RYK: variants seen among roughly 807,000 people sequenced by gnomAD.
The protein encoded by RYK is inactive tyrosine-protein kinase RYK.
In RYK, 21 loss-of-function variants were observed where a neutral mutation model predicts 70.2. The ratio of observed to expected loss-of-function variants is 0.30; its 90% CI spans 0.21 to 0.43. The LOEUF (loss-of-function observed/expected upper bound fraction) is 0.43. RYK is among the 20% of genes least tolerant of loss of function. The pLI is 1.00. For synonymous variants in RYK, 267 were observed against 278.0 expected (o/e 0.96, Z 0.39); for missense variants, 604 against 753.3 (o/e 0.80, Z 2.32).
At chr3:134,209,534 ACC>A (rs2014325437) in intron 4 of RYK, among the ~76,000 whole-genome samples, 159 bp downstream of exon 4, 2 of 152,158 alleles carry the variant, frequency 1.3e-5, no homozygotes, top group Non-Finnish European at 2.9e-5. Context: ...TTGGCTACCA[ACC>A]ATCTGGGATT....
chr3:134,170,068 C>T (rs1052723395), intron 13 of RYK, among the ~76,000 whole-genome samples: 2 of 152,158 alleles, frequency 1.3e-5, no homozygotes, highest in Non-Finnish European at 2.9e-5. Context: ...CGAACAGTCA[C>T]ATCATAGTCA....
At chr3:134,179,743 G>A (rs958886511) in intron 10 of RYK, 1 of 152,122 alleles carries the variant, frequency 6.6e-6, no homozygotes, top group African/African-American at 2.4e-5. Flanking sequence ...GGATTAACTT[G>A]GGCATACCAT....
chr3:134,229,263 T>C (rs1164262831), intron 1 of RYK, among the ~76,000 whole-genome samples: 1 of 150,660 alleles, frequency 6.6e-6, no homozygotes, highest in Non-Finnish European at 1.5e-5. Context: ...TTTTTCTTCT[T>C]CCCCCTCCGC....
intron 13 of RYK, among the ~76,000 whole-genome samples, chr3:134,163,870 T>G (rs1278084772): frequency 6.6e-6 from 1 of 152,208 alleles, no homozygotes. Context: ...AAAGTGCAAT[T>G]AAATGAACCT....
chr3:134,182,231 C>T (rs2013320340), intron 10 of RYK, among the ~76,000 whole-genome samples: 1 of 151,760 alleles, frequency 6.6e-6, no homozygotes, highest in South Asian at 2.1e-4. Flanking sequence ...TGATTGTATA[C>T]CAGAAATTAG....
chr3:134,218,004 C>A (rs546311279), intron 2 of RYK, among the ~76,000 whole-genome samples: 2 of 152,110 alleles, frequency 1.3e-5, no homozygotes, highest in East Asian at 1.9e-4. Context: ...ACTAAAAAAA[C>A]ATCGTAAGAC....
chr3:134,159,198 T>C, intron 14 of RYK, 39 bp downstream of exon 14: 4 of 1,606,358 alleles, frequency 2.5e-6, no homozygotes, highest in Admixed American at 1.7e-5. Flanking sequence ...ATATAGTAAA[T>C]GGAATAAAAC....
At chr3:134,194,904 A>G (rs2013765542) in intron 7 of RYK, among the ~76,000 whole-genome samples, 178 bp downstream of exon 7, 1 of 152,218 alleles carries the variant, frequency 6.6e-6, no homozygotes, top group Non-Finnish European at 1.5e-5. Flanking sequence ...TGATACCTCA[A>G]TTTTAGAATG....
At chr3:134,246,319 CACA>C (rs2015464624) in intron 1 of RYK, among the ~76,000 whole-genome samples, 1 of 145,262 alleles carries the variant, frequency 6.9e-6, no homozygotes, top group African/African-American at 2.6e-5. Flanking sequence ...CACACACACA[CACA>C]CACACACACA....
Position 134,245,087 on chromosome 3 carries a change from C to T in RYK, c.232+5336G>A, listed in dbSNP as rs1304345341. Among the ~76,000 whole-genome samples the T allele has an allele frequency of 3.9e-5, 6 of 152,172 alleles. No homozygotes were observed. The East Asian group carries it at 1.2e-3, about 29-fold the overall frequency. On this transcript the variant is annotated intron_variant, in intron 1 of 14. Transcript: ENST00000623711. ...TTTACAATCCACCCAATTTATGGTA[C>T]TTTGTTACAGCAGCCTGAGCAGACT...
rs530353408 is a variant in RYK, at chr3:134,243,072, C to A, written c.232+7351G>T. On this transcript the variant is annotated intron_variant, in intron 1 of 14. Coordinates refer to ENST00000623711, the MANE Select transcript of RYK (RefSeq NM_002958.4). ...AGAGGACACCTTCAACCCTCCACCCCTCCTCCCCACCAAGCATGGGCTCTG... is the reference window on the plus strand; with the variant it reads ...AGAGGACACCTTCAACCCTCCACCCATCCTCCCCACCAAGCATGGGCTCTG... 5.6e-4 allele frequency among the ~76,000 whole-genome samples: 85 copies of A among 152,298 alleles called. 1 individual carries two copies. Among genetic ancestry groups the A allele is most frequent in the Middle Eastern group, 3.4e-3 (1 of 294 alleles).
Position 134,157,832 on chromosome 3 carries a change from G to A in RYK, c.*321C>T, listed in dbSNP as rs1346114731. ...CTAAGATAGCTAATTCCAAATATCT[G>A]TGTCTAAACAATTTTAAAAACTGTT... On this transcript the variant is annotated 3_prime_UTR_variant, in exon 15 of 15. Coordinates refer to ENST00000623711, the MANE Select transcript of RYK (RefSeq NM_002958.4). 3.7e-5 allele frequency: 7 copies of A among 189,524 alleles called. No homozygotes were observed. In the East Asian group the frequency reaches 9.0e-4, roughly 24 times the overall value. The allele number at this position is 189,524 out of a possible 1,614,324, so 11.7% of individuals were successfully genotyped here.
Position 134,166,331 on chromosome 3 carries a change from C to T in RYK, c.1576-6958G>A, listed in dbSNP as rs538922912. Among the ~76,000 whole-genome samples the T allele has an allele frequency of 1.7e-4, 26 of 152,112 alleles. No homozygotes were observed. In the South Asian group the frequency reaches 4.4e-3, roughly 26 times the overall value. Reference sequence around the variant, plus strand: ...CAGGAAAGGGGCTCTCAACAGACACCGAACCTGCTGGTACCTAATTTTGGA... The same window carrying T: ...CAGGAAAGGGGCTCTCAACAGACACTGAACCTGCTGGTACCTAATTTTGGA... On this transcript the variant is annotated intron_variant, in intron 13 of 14. Coordinates refer to ENST00000623711, the MANE Select transcript of RYK (RefSeq NM_002958.4).
intron 1 of RYK, among the ~76,000 whole-genome samples, chr3:134,231,273 C>T (rs2015052246): frequency 6.6e-6 from 1 of 151,250 alleles, no homozygotes; most frequent in Admixed American, 6.6e-5. Flanking sequence ...TGGTTTTGTT[C>T]TACTAGAAAT....
At chr3:134,217,518 ATAAG>A (rs1342634621) in intron 2 of RYK, among the ~76,000 whole-genome samples, 1 of 152,102 alleles carries the variant, frequency 6.6e-6, no homozygotes, top group African/African-American at 2.4e-5. Context: ...CTATATAATA[ATAAG>A]TAATACAGCC....
intron 1 of RYK, among the ~76,000 whole-genome samples, chr3:134,233,920 TGTAACA>T (rs1325214305): frequency 6.6e-6 from 1 of 152,208 alleles, no homozygotes; most frequent in Admixed American, 6.5e-5. Flanking sequence ...AGTTCATGCA[TGTAACA>T]GGTATTCAAT....
intron 1 of RYK, among the ~76,000 whole-genome samples, chr3:134,232,614 G>A (rs1222052183): frequency 1.3e-5 from 2 of 152,148 alleles, no homozygotes; most frequent in African/African-American, 2.4e-5. Context: ...CTGACTATAG[G>A]TTTTGAAAAC....
chr3:134,222,180 T>A (rs1165121727), intron 2 of RYK, among the ~76,000 whole-genome samples: 1 of 152,260 alleles, frequency 6.6e-6, no homozygotes, highest in Admixed American at 6.5e-5. Context: ...AAAAGGATGT[T>A]AAGTGTTGTG....
At chr3:134,243,482 T>C (rs937625223) in intron 1 of RYK, among the ~76,000 whole-genome samples, 1 of 152,228 alleles carries the variant, frequency 6.6e-6, no homozygotes, top group Admixed American at 6.5e-5. Context: ...TCTGCATTCT[T>C]TAGCAGCTCA....
Sources: allele counts gnomAD v4.1 joint callset (sites outside exome capture counted in the v4.1 genomes callset), GRCh38; gene constraint gnomAD v4.1.1; transcripts MANE v1.5; gene names NCBI Gene and HGNC (gene_info 2026-07-23, HGNC 2026-07-21).